The following HMCN1 variants were observed in gnomAD, a reference collection of about 807,000 sequenced individuals.
HMCN1 encodes the protein hemicentin-1.
In HMCN1, 321 loss-of-function variants were observed where a neutral mutation model predicts 625.9. The ratio of observed to expected loss-of-function variants is 0.51; its 90% CI spans 0.47 to 0.56. The LOEUF is 0.56. HMCN1 is among the 20% of genes least tolerant of loss of function. The probability of loss-of-function intolerance (pLI) is 0.00; values close to 1 mark genes in which losing one functional copy is unlikely to be tolerated. For synonymous variants in HMCN1, 2,425 were observed against 2,417.6 expected, an observed-to-expected ratio of 1.00 and a Z score of -0.09; for missense variants, 6,588 against 6,887.3, an observed-to-expected ratio of 0.96 and a Z score of 1.54.
intron 1 of HMCN1, 41 bp downstream of exon 1, chr1:185,735,088 GATTAC>G: frequency 5.0e-6 from 8 of 1,587,580 alleles, no homozygotes; most frequent in Non-Finnish European, 6.9e-6. Flanking sequence ...TATGTCTCAT[GATTAC>G]ATTATTTCTC....
At chr1:186,093,002 C>T (rs1358161070) in intron 64 of HMCN1, 132 bp from the exon 65 acceptor site, 35 of 1,143,516 alleles carry the variant, frequency 3.1e-5, no homozygotes, top group Middle Eastern at 2.7e-4. Context: ...ATATGAGACT[C>T]GCTACTGTAG....
chr1:186,166,773 A>G (rs369797785), intron 99 of HMCN1, 35 bp from the exon 100 acceptor site: 2 of 1,613,936 alleles, frequency 1.2e-6, no homozygotes, highest in African/African-American at 2.7e-5. Context: ...GGTGTTCTTC[A>G]GCTCACCTCA....
chr1:185,865,265 A>C (rs115861438), intron 3 of HMCN1, among the ~76,000 whole-genome samples: 391 of 152,292 alleles, frequency 2.6e-3, no homozygotes, highest in Non-Finnish European at 3.1e-3. Flanking sequence ...GGAAATACAC[A>C]AGCCCTCTTG....
Position 186,088,260 on chromosome 1 carries a change from G to A in HMCN1, c.9561G>A (p.Lys3187=), listed in dbSNP as rs759079036. 2.5e-6 allele frequency: 4 copies of A among 1,612,684 alleles called. No individual in the cohort carries two copies. The East Asian group carries it at 8.9e-5, about 36-fold the overall frequency. The change falls in exon 62 of 107, where the codon AAG becomes AAA. Residue 3187 remains lysine (K), a synonymous_variant. Coordinates refer to ENST00000271588, the MANE Select transcript of HMCN1 (RefSeq NM_031935.3). ...CACCTCCCACGATAGCATGGTTAAA[G>A]AACCACAAGCGCATAGGTAAGGCAA... is the stretch of plus-strand genomic sequence containing the variant. ...GIPPPTIAWL[K]NHKRIENSDS...
chr1:185,835,405 A>G (rs1661105596), intron 1 of HMCN1, among the ~76,000 whole-genome samples: 1 of 152,010 alleles, frequency 6.6e-6, no homozygotes, highest in Non-Finnish European at 1.5e-5. Context: ...CTCTCTCTTC[A>G]ATTGCCGCAG....
Position 185,933,608 on chromosome 1 carries a change from G to C in HMCN1, c.1612G>C (p.Val538Leu). The change falls in exon 11 of 107, where the codon GTT (valine) becomes CTT (leucine). Residue 538 changes from valine (V) to leucine (L), a missense_variant. Transcript: ENST00000271588. ...TACAGTCACTCCTGGAGAGAGAGCA[G>C]TTTTAACATGTCTCATCATCAGTGC... ...NVTVTPGERAVLTCLIISAVD... is the reference protein window; with the variant it reads ...NVTVTPGERALLTCLIISAVD... 1.2e-6 allele frequency: 2 copies of C among 1,613,984 alleles called. No individual in the cohort carries two copies. Among genetic ancestry groups the C allele is most frequent in the East Asian group, 4.5e-5 (2 of 44,880 alleles).
rs183435608 is a variant in HMCN1 at position 186,120,039 on chromosome 1, C to T, written c.12123C>T (p.Gly4041=). The T allele has an allele frequency of 7.4e-6, 12 of 1,613,946 alleles. No homozygotes were observed. The highest frequency in any genetic ancestry group is 4.5e-5 in the East Asian group (2 of 44,876). ...GAAACCATGCAGTTCTTCCTAGTGGCGGCTTACAGATCTCCAGAGCTGTCC... is the reference window on the plus strand; with the variant it reads ...GAAACCATGCAGTTCTTCCTAGTGGTGGCTTACAGATCTCCAGAGCTGTCC... ...SGRNHAVLPS[G]GLQISRAVRE... is the part of the protein sequence containing the mutation. Residue 4041 remains glycine (G), a synonymous_variant, in exon 80 of 107, where the codon GGC becomes GGT. Coordinates refer to ENST00000271588, the MANE Select transcript of HMCN1 (RefSeq NM_031935.3).
intron 11 of HMCN1, among the ~76,000 whole-genome samples, chr1:185,947,129 G>C (rs1422061647): frequency 6.6e-6 from 1 of 152,106 alleles, no homozygotes; most frequent in Non-Finnish European, 1.5e-5. Flanking sequence ...TTCTTTGCTT[G>C]GGTGTTTTGT....
chr1:185,923,047 G>A (rs1453059721), intron 7 of HMCN1, among the ~76,000 whole-genome samples: 1 of 151,988 alleles, frequency 6.6e-6, no homozygotes, highest in Non-Finnish European at 1.5e-5. Context: ...TAATGTAACA[G>A]TTAAAATTTG....
chr1:186,011,281 G>A (rs780961360), intron 30 of HMCN1, among the ~76,000 whole-genome samples: 3 of 152,224 alleles, frequency 2.0e-5, no homozygotes, highest in African/African-American at 4.8e-5. Context: ...TCCTGACCTC[G>A]TGATCCGCCC....
chr1:186,060,028 C>T (rs1657586186), intron 46 of HMCN1, among the ~76,000 whole-genome samples: 1 of 151,962 alleles, frequency 6.6e-6, no homozygotes, highest in Non-Finnish European at 1.5e-5. Flanking sequence ...CCCTAATTGA[C>T]ATAAGTTTTT....
At chr1:185,927,411 C>G (rs1402610273) in intron 9 of HMCN1, among the ~76,000 whole-genome samples, 1 of 152,180 alleles carries the variant, frequency 6.6e-6, no homozygotes, top group East Asian at 1.9e-4. Context: ...CATGTAGTGC[C>G]TACAGAATTG....
intron 1 of HMCN1, among the ~76,000 whole-genome samples, chr1:185,840,304 C>T (rs1661400792): frequency 1.3e-5 from 2 of 152,070 alleles, no homozygotes; most frequent in African/African-American, 4.8e-5. Context: ...GAAAACATCC[C>T]CAATCCTTTG....
At chr1:185,993,144 C>T (rs751036798) in intron 22 of HMCN1, 38 bp from the exon 23 acceptor site, 3 of 1,597,398 alleles carry the variant, frequency 1.9e-6, no homozygotes, top group Non-Finnish European at 2.6e-6. Context: ...TTTAAATTCT[C>T]CTCTTCCATG....
intron 1 of HMCN1, among the ~76,000 whole-genome samples, chr1:185,783,936 C>A (rs1657356454): frequency 6.6e-6 from 1 of 152,202 alleles, no homozygotes; most frequent in Non-Finnish European, 1.5e-5. Flanking sequence ...CTATGCCCTG[C>A]CCCCAGAGGT....
intron 104 of HMCN1, among the ~76,000 whole-genome samples, chr1:186,179,320 G>A (rs1180588042): frequency 6.6e-6 from 1 of 152,116 alleles, no homozygotes; most frequent in African/African-American, 2.4e-5. Flanking sequence ...AAATTAAGTT[G>A]TTTCTATCAC....
intron 1 of HMCN1, among the ~76,000 whole-genome samples, chr1:185,788,534 TGTC>T (rs1657777699): frequency 6.6e-6 from 1 of 152,182 alleles, no homozygotes; most frequent in African/African-American, 2.4e-5. Context: ...AGTTTTGCCA[TGTC>T]GTTTAAATTA....
At chr1:185,784,702 T>C (rs1246148588) in intron 1 of HMCN1, among the ~76,000 whole-genome samples, 2 of 152,180 alleles carry the variant, frequency 1.3e-5, no homozygotes, top group Non-Finnish European at 2.9e-5. Context: ...TCCCTTGCAT[T>C]GTCTGCTTAT....
intron 1 of HMCN1, among the ~76,000 whole-genome samples, chr1:185,833,090 A>G (rs781282337): frequency 1.3e-5 from 2 of 152,002 alleles, no homozygotes; most frequent in Non-Finnish European, 2.9e-5. Flanking sequence ...TCTTTGCTTT[A>G]CTTGTTTTAT....
Sources: gnomAD v4.1 joint callset for allele counts (sites outside exome capture counted in the v4.1 genomes callset) on GRCh38, gnomAD v4.1.1 for gene constraint, MANE v1.5 for transcripts, NCBI Gene and HGNC (gene_info 2026-07-23, HGNC 2026-07-21) for gene names.